Variants in SRGAP1 observed in about 807,000 individuals in gnomAD.
SRGAP1 encodes the protein SLIT-ROBO Rho GTPase activating protein 1.
In SRGAP1, 43 loss-of-function variants were observed where a neutral mutation model predicts 121.9. That is an observed-to-expected ratio of 0.35 (90% confidence interval 0.28 to 0.46). SRGAP1 has a LOEUF of 0.46. Ranked by LOEUF, SRGAP1 falls within the 20% of genes least tolerant of loss-of-function variation. The pLI, the probability that SRGAP1 is intolerant of heterozygous loss-of-function variation, is 1.00. For synonymous variants in SRGAP1, 447 were observed against 485.4 expected (o/e 0.92, Z 1.04); for missense variants, 1,102 against 1,350.9 (o/e 0.82, Z 2.89).
At chr12:63,900,525 A>C (rs895743693) in intron 1 of SRGAP1, among the ~76,000 whole-genome samples, 1 of 151,574 alleles carries the variant, frequency 6.6e-6, no homozygotes, top group Non-Finnish European at 1.5e-5. Flanking sequence ...CTCTAATTAA[A>C]AATAGGGCTG....
At chr12:64,074,495 T>C (rs2035698736) in intron 8 of SRGAP1, among the ~76,000 whole-genome samples, 1 of 152,226 alleles carries the variant, frequency 6.6e-6, no homozygotes, top group South Asian at 2.1e-4. Flanking sequence ...ACTTCTCATA[T>C]AAAGCTACTT....
chr12:64,127,816 T>C lies in SRGAP1; in HGVS notation c.2541-45T>C, dbSNP rs201289849. 7 of 1,598,042 alleles carry C rather than the reference T, an allele frequency of 4.4e-6. No homozygotes were observed. The East Asian group carries it at 1.3e-4, about 31-fold the overall frequency. On this transcript the variant is annotated intron_variant, in intron 20 of 21. Coordinates refer to ENST00000355086, the MANE Select transcript of SRGAP1 (RefSeq NM_020762.4). Reference sequence around the variant, plus strand: ...ACCTCAGCCTTGCAGTACTGCCCGGTGTGATAAGCTCTTCTGTTTTCTCCC... The same window carrying C: ...ACCTCAGCCTTGCAGTACTGCCCGGCGTGATAAGCTCTTCTGTTTTCTCCC...
At chr12:63,883,922 T>C (rs1900280853) in intron 1 of SRGAP1, among the ~76,000 whole-genome samples, 2 of 150,990 alleles carry the variant, frequency 1.3e-5, no homozygotes, top group Middle Eastern at 3.4e-3. Context: ...CCTCACAAAG[T>C]GCTGGGATTA....
At chr12:63,983,504 T>C (rs1253246316) in intron 1 of SRGAP1, 1 of 152,040 alleles carries the variant, frequency 6.6e-6, no homozygotes, top group Non-Finnish European at 1.5e-5. Flanking sequence ...ATTTTAAGAA[T>C]CAACCTGGAC....
At chr12:63,982,042 T>C (rs1000740762) in intron 1 of SRGAP1, among the ~76,000 whole-genome samples, 17 of 151,876 alleles carry the variant, frequency 1.1e-4, no homozygotes, top group African/African-American at 3.9e-4. Context: ...TGAAACCCCG[T>C]CTCTACTAAA....
intron 3 of SRGAP1, among the ~76,000 whole-genome samples, chr12:64,003,153 A>G (rs1353697299): frequency 6.6e-6 from 1 of 152,014 alleles, no homozygotes; most frequent in Non-Finnish European, 1.5e-5. Context: ...TGGCTCAATC[A>G]TGGCTCACTG....
chr12:64,076,935 G>T (rs907503686), intron 8 of SRGAP1, among the ~76,000 whole-genome samples: 2 of 152,040 alleles, frequency 1.3e-5, no homozygotes, highest in Non-Finnish European at 2.9e-5. Context: ...GAGTCACCAC[G>T]CCCCGCTCAG....
In SRGAP1 at chr12:64,115,872, G is replaced by A; in HGVS notation, c.2203G>A (p.Glu735Lys). 1 of 1,613,272 alleles carries A rather than the reference G, an allele frequency of 6.2e-7. No homozygotes were observed. The highest frequency in any genetic ancestry group is 8.5e-7 in the Non-Finnish European group (1 of 1,179,558). Reference sequence around the variant, plus strand: ...GGAAGTGGACCAAGATGCTGGTACAGAGCCCCACACAAGTGAAGATGGTAT... The same window carrying A: ...GGAAGTGGACCAAGATGCTGGTACAAAGCCCCACACAAGTGAAGATGGTAT... ...LEEVDQDAGT[E>K]PHTSEDECEP... Residue 735 changes from glutamate (E) to lysine (K), a missense_variant, in exon 18 of 22, where the codon GAG (glutamate) becomes AAG (lysine). By Grantham distance (56) the Glu-to-Lys change is moderately conservative (BLOSUM62 1). This residue lies in a region of SRGAP1 where 747 missense variants were observed against 929.4 expected (regional missense o/e 0.80). Transcript: ENST00000355086.
chr12:64,011,032 A>T (rs1037034583), intron 3 of SRGAP1, among the ~76,000 whole-genome samples: 14 of 151,960 alleles, frequency 9.2e-5, no homozygotes, highest in Non-Finnish European at 2.1e-4. Flanking sequence ...CCAGCCAAAG[A>T]GAAGGAGGGA....
rs532624224 is a variant in SRGAP1 at position 64,073,515 on chromosome 12, C to T, written c.1126-5404C>T. ...GGGGGATTGGTTCCAGCACCTCCCA[C>T]AGATACCAAAACCCGAAGATGCTCA... is the stretch of plus-strand genomic sequence containing the variant. On this transcript the variant is annotated intron_variant, in intron 8 of 21. Coordinates refer to ENST00000355086, the MANE Select transcript of SRGAP1 (RefSeq NM_020762.4). 9.9e-5 allele frequency among the ~76,000 whole-genome samples: 15 copies of T among 152,264 alleles called. No homozygotes were observed. The South Asian group carries it at 3.1e-3, about 32-fold the overall frequency.
intron 21 of SRGAP1, among the ~76,000 whole-genome samples, chr12:64,139,998 A>G (rs1412982135): frequency 6.6e-6 from 1 of 151,346 alleles, no homozygotes; most frequent in Admixed American, 6.6e-5. Context: ...TTAAATAGGG[A>G]ATCCTTTCCC....
At chr12:64,126,757 G>A (rs993990159) in intron 19 of SRGAP1, among the ~76,000 whole-genome samples, 1 of 152,062 alleles carries the variant, frequency 6.6e-6, no homozygotes, top group African/African-American at 2.4e-5. Flanking sequence ...TTTCAGAAAT[G>A]TTAAAATGTG....
chr12:64,108,924 G>A lies in SRGAP1; in HGVS notation c.1814-8G>A, dbSNP rs367812745. 1 of 1,584,854 alleles carries A rather than the reference G, an allele frequency of 6.3e-7. No homozygotes were observed. Among genetic ancestry groups the A allele is most frequent in the African/African-American group, 1.3e-5 (1 of 74,442 alleles). On this transcript the variant is annotated splice_polypyrimidine_tract_variant and splice_region_variant and intron_variant, in intron 15 of 21. Coordinates refer to ENST00000355086, the MANE Select transcript of SRGAP1 (RefSeq NM_020762.4). ...AAGGACTCTGACCATGTCATCTTCT[G>A]TCTGTAGGAATAGATAATCTCTATG...
intron 4 of SRGAP1, among the ~76,000 whole-genome samples, chr12:64,033,848 C>T (rs1302049243): frequency 7.9e-5 from 12 of 152,040 alleles, no homozygotes; most frequent in African/African-American, 2.7e-4. Context: ...GGTGAAACCC[C>T]ATCTCTACTA....
intron 1 of SRGAP1, among the ~76,000 whole-genome samples, chr12:63,918,168 C>G (rs2030876124): frequency 6.6e-6 from 1 of 152,112 alleles, no homozygotes; most frequent in Non-Finnish European, 1.5e-5. Flanking sequence ...TAAAAAGCCG[C>G]TTTTTATGAG....
intron 21 of SRGAP1, among the ~76,000 whole-genome samples, chr12:64,133,094 G>A (rs950127591): frequency 5.3e-5 from 8 of 152,212 alleles, no homozygotes; most frequent in Non-Finnish European, 1.0e-4. Flanking sequence ...TTCTGCACAG[G>A]CCAAATGGGA....
chr12:64,053,718 A>G (rs1276506467), intron 6 of SRGAP1, among the ~76,000 whole-genome samples: 2 of 152,196 alleles, frequency 1.3e-5, no homozygotes, highest in South Asian at 4.1e-4. Context: ...TTTGTAAATA[A>G]TAGTTTAAAT....
chr12:63,919,499 C>CATACATATATATATATATAT (rs1287621628), intron 1 of SRGAP1, among the ~76,000 whole-genome samples: 1 of 134,190 alleles, frequency 7.5e-6, no homozygotes, highest in African/African-American at 3.1e-5. Flanking sequence ...CTTAACATTA[C>CATACATATATATATATATAT]ATATATATAT....
chr12:64,105,378 A>G (rs1475485723), intron 15 of SRGAP1, among the ~76,000 whole-genome samples: 3 of 152,190 alleles, frequency 2.0e-5, no homozygotes, highest in Non-Finnish European at 4.4e-5. Context: ...ACTGCTGTAC[A>G]AATATTTGTT....
Sources: gnomAD v4.1 joint callset for allele counts (sites outside exome capture counted in the v4.1 genomes callset) on GRCh38, gnomAD v4.1.1 for gene constraint, gnomAD v4.1.1 regional missense constraint, MANE v1.5 for transcripts, NCBI Gene and HGNC (gene_info 2026-07-23, HGNC 2026-07-21) for gene names.